Variants in ARIH1 observed in about 807,000 individuals in gnomAD.
ARIH1 encodes the protein E3 ubiquitin-protein ligase ARIH1.
In ARIH1, 8 loss-of-function variants were observed where a neutral mutation model predicts 85.0. The observed-to-expected ratio is 0.09, with a 90% CI of 0.06 to 0.17. ARIH1 has a LOEUF of 0.17. Ranked by LOEUF, ARIH1 falls within the 10% of genes least tolerant of loss-of-function variation. The probability of loss-of-function intolerance (pLI) is 1.00; values close to 1 mark genes in which losing one functional copy is unlikely to be tolerated. For missense variants in ARIH1, 311 were observed against 718.1 expected, an observed-to-expected ratio of 0.43 and a Z score of 6.48; for synonymous variants, 238 against 253.6, an observed-to-expected ratio of 0.94 and a Z score of 0.59.
intron 11 of ARIH1, among the ~76,000 whole-genome samples, chr15:72,580,285 G>T (rs1250866733): frequency 1.3e-5 from 2 of 152,004 alleles, no homozygotes; most frequent in Non-Finnish European, 2.9e-5. Context: ...CTGAGTACTC[G>T]TGTGTGTGTG....
At chr15:72,516,758 A>G (rs1311835228) in intron 1 of ARIH1, among the ~76,000 whole-genome samples, 1 of 152,222 alleles carries the variant, frequency 6.6e-6, no homozygotes, top group Non-Finnish European at 1.5e-5. Flanking sequence ...ATTGACATAC[A>G]TTTCTTTCAT....
intron 11 of ARIH1, among the ~76,000 whole-genome samples, chr15:72,579,421 A>G (rs1297809425): frequency 6.6e-6 from 1 of 152,216 alleles, no homozygotes; most frequent in Non-Finnish European, 1.5e-5. Context: ...CTATTGTATT[A>G]TATCAGGAGT....
At chr15:72,485,057 T>G (rs748510716) in intron 1 of ARIH1, among the ~76,000 whole-genome samples, 2 of 152,212 alleles carry the variant, frequency 1.3e-5, no homozygotes, top group African/African-American at 4.8e-5. Context: ...AGCGTAGAAG[T>G]GTTCCCTTCT....
At chr15:72,483,800 ATT>A (rs10699090) in intron 1 of ARIH1, among the ~76,000 whole-genome samples, 1 of 146,904 alleles carries the variant, frequency 6.8e-6, no homozygotes, top group African/African-American at 2.5e-5. Flanking sequence ...CAGTTTACTG[ATT>A]TTTTTTTTTT....
chr15:72,478,332 G>C (rs1460154231), intron 1 of ARIH1, among the ~76,000 whole-genome samples: 2 of 151,646 alleles, frequency 1.3e-5, no homozygotes, highest in Non-Finnish European at 2.9e-5. Context: ...GGCCAGGCTG[G>C]TCTTGAACTC....
chr15:72,540,752 A>G (rs137998521), intron 2 of ARIH1, among the ~76,000 whole-genome samples: 1 of 152,308 alleles, frequency 6.6e-6, no homozygotes, highest in African/African-American at 2.4e-5. Flanking sequence ...CTTGAGGCCA[A>G]GAGTTCAAGG....
chr15:72,499,060 G>A (rs534465763), intron 1 of ARIH1, among the ~76,000 whole-genome samples: 100 of 132,058 alleles, frequency 7.6e-4, no homozygotes, highest in Non-Finnish European at 1.3e-3. Flanking sequence ...GGCTCACTGC[G>A]ACCTCTGCCT....
At chr15:72,498,848 TAA>T (rs200906515) in intron 1 of ARIH1, among the ~76,000 whole-genome samples, 1 of 124,528 alleles carries the variant, frequency 8.0e-6, no homozygotes. Flanking sequence ...ATCTCAAAAA[TAA>T]AAAAAAAAAA....
chr15:72,514,223 C>T (rs2063964416), intron 1 of ARIH1, among the ~76,000 whole-genome samples: 1 of 151,900 alleles, frequency 6.6e-6, no homozygotes, highest in East Asian at 1.9e-4. Context: ...TAGCTTGATA[C>T]CTTTTGATAT....
rs2064330395 is a variant in ARIH1 at position 72,589,170 on chromosome 15, T to C, written c.*5878T>C. 6.6e-6 allele frequency: 1 copy of C among 152,164 alleles called. No homozygotes were observed. The highest frequency in any genetic ancestry group is 2.1e-4 in the South Asian group (1 of 4,820). 9.4% of individuals were successfully genotyped at this position (152,164 alleles called of 1,614,324 possible). On this transcript the variant is annotated 3_prime_UTR_variant, in exon 14 of 14. Coordinates refer to ENST00000379887, the MANE Select transcript of ARIH1 (RefSeq NM_005744.5). ...AGCAGCCCTAAAGCAAAATGGGCAT[T>C]GTTACCCTATTTTTATGAGGAAAGA...
chr15:72,523,807 TAA>T (rs141264913), intron 2 of ARIH1, among the ~76,000 whole-genome samples: 2,282 of 151,418 alleles, frequency 0.015, 55 homozygotes, highest in Admixed American at 0.056. Flanking sequence ...TAAAAAATAA[TAA>T]GTTTTTTTTT....
intron 1 of ARIH1, among the ~76,000 whole-genome samples, chr15:72,506,461 T>C (rs1408416334): frequency 6.6e-6 from 1 of 151,818 alleles, no homozygotes; most frequent in African/African-American, 2.4e-5. Flanking sequence ...CCAATTGTAA[T>C]ATGGGAATTG....
At chr15:72,561,016 T>C (rs1209555741) in intron 5 of ARIH1, among the ~76,000 whole-genome samples, 4 of 152,216 alleles carry the variant, frequency 2.6e-5, no homozygotes, top group Non-Finnish European at 4.4e-5. Flanking sequence ...CTTAAAATTG[T>C]ATCAGCTTTA....
intron 2 of ARIH1, 123 bp downstream of exon 2, chr15:72,518,257 A>G: frequency 5.8e-6 from 4 of 691,718 alleles, no homozygotes; most frequent in Non-Finnish European, 7.0e-6. Flanking sequence ...CCAGTGTGCA[A>G]CTAGTGACTG....
intron 1 of ARIH1, among the ~76,000 whole-genome samples, chr15:72,478,536 C>T (rs1044253258): frequency 6.6e-6 from 1 of 152,184 alleles, no homozygotes; most frequent in East Asian, 1.9e-4. Context: ...CAACAGTGTT[C>T]AGCAAATGTT....
chr15:72,583,577 T>C lies in ARIH1; in HGVS notation c.*285T>C. ...ACGTAGCTTCATTCTCAAAGCTGAC[T>C]CCTTTTTTTTCTTTTTCCTTTTCCT... On this transcript the variant is annotated 3_prime_UTR_variant, in exon 14 of 14. Transcript: ENST00000379887. 1 of 313,146 alleles carries C rather than the reference T, an allele frequency of 3.2e-6. No homozygotes were observed. Among genetic ancestry groups the C allele is most frequent in the South Asian group, 9.6e-5 (1 of 10,396 alleles). 19.4% of individuals were successfully genotyped at this position (313,146 alleles called of 1,614,324 possible).
In ARIH1 at chr15:72,594,727, TAG is replaced by T. The variant is rs1459314417; in HGVS notation, c.*11438_*11439del. 6.6e-6 allele frequency: 1 copy of T among 151,844 alleles called. No individual in the cohort carries two copies. Among genetic ancestry groups the T allele is most frequent in the Non-Finnish European group, 1.5e-5 (1 of 67,980 alleles). 9.4% of individuals were successfully genotyped at this position (151,844 alleles called of 1,614,324 possible). ...CTAGAAATAGTTCTTGTAGACTCCG[TAG>T]AGTTTTATATTAAATAGATACACAA... On this transcript the variant is annotated 3_prime_UTR_variant, in exon 14 of 14. Transcript: ENST00000379887.
At chr15:72,547,496 G>C (rs1284781204) in intron 3 of ARIH1, among the ~76,000 whole-genome samples, 1 of 152,180 alleles carries the variant, frequency 6.6e-6, no homozygotes, top group Admixed American at 6.5e-5. Flanking sequence ...GCCTCCCATA[G>C]TGCTGGGATT....
At chr15:72,566,517 C>T (rs1386097067) in intron 7 of ARIH1, 46 bp from the exon 8 acceptor site, 1 of 1,494,968 alleles carries the variant, frequency 6.7e-7, no homozygotes, top group South Asian at 1.1e-5. Context: ...TACTTGCTTA[C>T]AGTAGGTAGG....
Sources: gnomAD v4.1 joint callset for allele counts (sites outside exome capture counted in the v4.1 genomes callset) on GRCh38, gnomAD v4.1.1 for gene constraint, MANE v1.5 for transcripts, NCBI Gene and HGNC (gene_info 2026-07-23, HGNC 2026-07-21) for gene names.